The following SOD2 variants were observed in gnomAD, a reference collection of about 807,000 sequenced individuals.
SOD2 encodes the protein superoxide dismutase 2.
A neutral mutation model predicts 27.0 loss-of-function variants in SOD2; 11 were observed. That is an observed-to-expected ratio of 0.41 (90% CI 0.26 to 0.67). The LOEUF is 0.67. Ranked by LOEUF, SOD2 falls within the 30% of genes least tolerant of loss-of-function variation. The pLI is 0.34. For synonymous variants in SOD2, 105 were observed against 103.0 expected (o/e 1.02, Z -0.12); for missense variants, 250 against 274.5 (o/e 0.91, Z 0.63).
In SOD2 at chr6:159,757,058, G is replaced by A. The variant is rs534162168; in HGVS notation, c.-336+3979C>T. Among the ~76,000 whole-genome samples the A allele has an allele frequency of 5.3e-5, 8 of 152,276 alleles. No homozygotes were observed. In the South Asian group the frequency reaches 1.7e-3, roughly 32 times the overall value. On this transcript the variant is annotated intron_variant, in intron 1 of 7. Coordinates refer to the SOD2 transcript ENST00000546087. Reference sequence around the variant, plus strand: ...TGGTAATATTATATGAGTAAGGGGTGTTAGAATGTAGGTAGGAGAAAATGT... The same window carrying A: ...TGGTAATATTATATGAGTAAGGGGTATTAGAATGTAGGTAGGAGAAAATGT...
At chr6:159,692,579 G>A (rs553156344) in intron 2 of SOD2, 82 bp downstream of exon 2, 20 of 1,582,256 alleles carry the variant, frequency 1.3e-5, no homozygotes, top group Non-Finnish European at 1.7e-5. Context: ...CTCCTCCACG[G>A]AGAGGCCCGT....
intron 1 of SOD2, among the ~76,000 whole-genome samples, chr6:159,736,899 T>C (rs566366883): frequency 1.4e-4 from 22 of 152,328 alleles, no homozygotes; most frequent in Non-Finnish European, 2.5e-4. Flanking sequence ...TGTGATTCAA[T>C]TGGGAAAGCT....
At position 159,692,851 on chromosome 6, in the gene SOD2, C is replaced by A; in HGVS notation, c.36G>T (p.Gln12His). 1 of 1,608,722 alleles carries A rather than the reference C, an allele frequency of 6.2e-7. No individual in the cohort carries two copies. Among genetic ancestry groups the A allele is most frequent in the Non-Finnish European group, 8.5e-7 (1 of 1,178,126 alleles). The stretch of plus-strand genomic sequence containing the variant: ...CCAGATACCCCAAAACCGGAGCCAG[C>A]TGCCTGCTGGTGCTGAAGACGAGAA... ...LSRAVCGTSR[Q>H]LAPVLGYLGS... Residue 12 changes from glutamine to histidine, a missense_variant, in exon 2 of 5, where the codon CAG (glutamine) becomes CAT (histidine). Physicochemically the swap from Gln to His is conservative, Grantham distance 24. Coordinates refer to ENST00000538183, the MANE Select transcript of SOD2 (RefSeq NM_000636.4).
At chr6:159,698,608 C>A (rs1398026293) in intron 1 of SOD2, among the ~76,000 whole-genome samples, 25 of 118,418 alleles carry the variant, frequency 2.1e-4, no homozygotes, top group South Asian at 1.1e-3. Flanking sequence ...TCCAATAAAA[C>A]ATTTAGAAAA....
chr6:159,752,659 TAAA>T lies in SOD2; in HGVS notation c.-335-3986_-335-3984del, dbSNP rs111964741. 2.9e-3 allele frequency among the ~76,000 whole-genome samples: 430 copies of T among 149,462 alleles called. 2 individuals are homozygous for T. The highest frequency in any genetic ancestry group is 0.01 in the African/African-American group (410 of 40,884). On this transcript the variant is annotated intron_variant, in intron 1 of 7. Transcript: ENST00000546087. ...CTTTTCCAATAAAGTCTTAAGTCTT[TAAA>T]AAAAAAACCTTAACTGCTGAATGTG...
At position 159,684,978 on chromosome 6, in the gene SOD2, C is replaced by G. The variant is rs372173830; in HGVS notation, c.399G>C (p.Glu133Asp). The change falls in exon 4 of 5, where the codon GAG becomes GAC. Residue 133 changes from glutamate (E) to aspartate (D), a missense_variant. Coordinates refer to ENST00000538183, the MANE Select transcript of SOD2 (RefSeq NM_000636.4). Reference protein sequence around the residue: ...RDFGSFDKFKEKLTAASVGVQ... With the variant: ...RDFGSFDKFKDKLTAASVGVQ... The stretch of plus-strand genomic sequence containing the variant: ...CACCAACAGATGCAGCCGTCAGCTT[C>G]TCCTTAAACTTGTCAAAGGAACCAA... 33 of 1,613,160 alleles carry G rather than the reference C, an allele frequency of 2.0e-5. No individual in the cohort carries two copies. Among genetic ancestry groups the G allele is most frequent in the African/African-American group, 1.9e-4 (14 of 75,000 alleles).
intron 1 of SOD2, among the ~76,000 whole-genome samples, chr6:159,708,903 G>A (rs969577056): frequency 1.3e-5 from 2 of 152,102 alleles, no homozygotes; most frequent in African/African-American, 2.4e-5. Flanking sequence ...GCATAGTACT[G>A]GTACCAAAAC....
Position 159,678,850 on chromosome 6 carries a change from G to A in SOD2, c.*3643C>T, listed in dbSNP as rs1176783094. On this transcript the variant is annotated 3_prime_UTR_variant, in exon 5 of 5. Transcript: ENST00000538183. ...TTGAATTATAGGACATCCAGCTGGT[G>A]TCCACTGGACAACCTGGTGTAAAAG... 1.3e-5 allele frequency: 2 copies of A among 152,320 alleles called. No homozygotes were observed. Among genetic ancestry groups the A allele is most frequent in the African/African-American group, 4.8e-5 (2 of 41,574 alleles). 9.4% of individuals were successfully genotyped at this position (152,320 alleles called of 1,614,324 possible).
rs531384013 is a variant in SOD2, at chr6:159,744,366, C to A, written c.-116+764G>T. ...TGTAATTATACAAAATAATTAGAGG[C>A]AGCTGTATCCTTGTTTCTGATTTTA... On this transcript the variant is annotated intron_variant, in intron 1 of 3. Coordinates refer to the SOD2 transcript ENST00000537657. Among the ~76,000 whole-genome samples the A allele has an allele frequency of 5.9e-5, 9 of 152,268 alleles. No homozygotes were observed. The East Asian group carries it at 1.7e-3, about 29-fold the overall frequency.
intron 1 of SOD2, among the ~76,000 whole-genome samples, chr6:159,737,133 C>T (rs528840949): frequency 3.3e-5 from 5 of 151,862 alleles, no homozygotes; most frequent in Non-Finnish European, 5.9e-5. Flanking sequence ...CTGCAGTCTC[C>T]GCCTCCTGGG....
chr6:159,711,901 C>T (rs554779192), intron 1 of SOD2, among the ~76,000 whole-genome samples: 8 of 125,466 alleles, frequency 6.4e-5, no homozygotes, highest in Admixed American at 6.2e-4. Context: ...CCACCACTCA[C>T]ATTGCTCTGA....
At chr6:159,702,903 C>T (rs1293376736) in intron 1 of SOD2, among the ~76,000 whole-genome samples, 2 of 148,420 alleles carry the variant, frequency 1.3e-5, no homozygotes, top group East Asian at 2.0e-4. Flanking sequence ...TGCCTATAGT[C>T]CCAGCTACTC....
At chr6:159,710,934 TC>T (rs374675203) in intron 1 of SOD2, among the ~76,000 whole-genome samples, 30 of 114,398 alleles carry the variant, frequency 2.6e-4, no homozygotes, top group East Asian at 1.7e-3. Flanking sequence ...CATAACCACC[TC>T]CATAACCACC....
intron 1 of SOD2, among the ~76,000 whole-genome samples, chr6:159,705,929 C>T (rs1014389440): frequency 5.9e-5 from 9 of 152,200 alleles, no homozygotes; most frequent in African/African-American, 1.9e-4. Context: ...TCAGCAGAAA[C>T]TCTACAAGCC....
At chr6:159,734,939 G>C (rs1562454026) in intron 1 of SOD2, among the ~76,000 whole-genome samples, 1 of 151,880 alleles carries the variant, frequency 6.6e-6, no homozygotes, top group Non-Finnish European at 1.5e-5. Flanking sequence ...GTAGTTTAAT[G>C]AATAATACCT....
chr6:159,685,184 A>G (rs1780127485), intron 3 of SOD2, 151 bp from the exon 4 acceptor site: 1 of 355,168 alleles, frequency 2.8e-6, no homozygotes. Context: ...AAGTTTCACA[A>G]TTTTAATTCA....
rs551173943 is a variant in SOD2 at position 159,760,760 on chromosome 6, A to G, written c.-336+277T>C. 4.6e-5 allele frequency: 7 copies of G among 152,422 alleles called. No homozygotes were observed. In the South Asian group the frequency reaches 1.2e-3, roughly 27 times the overall value. 9.4% of individuals were successfully genotyped at this position (152,422 alleles called of 1,614,324 possible). The stretch of plus-strand genomic sequence containing the variant: ...TAAGGGGATGTGAGAGTAAGCCCAC[A>G]AAGACTCAGAAGTGGCCAGGGAGTA... On this transcript the variant is annotated intron_variant, in intron 1 of 7. Coordinates refer to the SOD2 transcript ENST00000546087.
At chr6:159,741,926 TG>T in intron 1 of SOD2, 1 of 547,856 alleles carries the variant, frequency 1.8e-6, no homozygotes, top group South Asian at 2.1e-5. Flanking sequence ...CACTCCAGCC[TG>T]GGGGACAGAG....
At position 159,672,916 on chromosome 6, in the gene SOD2, C is replaced by T. The variant is rs559796747; in HGVS notation, c.*9577G>A. 79 of 150,760 alleles carry T rather than the reference C, an allele frequency of 5.2e-4. No individual in the cohort carries two copies. Among genetic ancestry groups the T allele is most frequent in the African/African-American group, 1.8e-3 (73 of 41,068 alleles). 9.3% of individuals were successfully genotyped at this position (150,760 alleles called of 1,614,324 possible). ...GATGGAGGAAGATCTACCAAGCAAA[C>T]GGAAAACAAAAAAAAAGGCCGGGGT... On this transcript the variant is annotated 3_prime_UTR_variant, in exon 5 of 5. Transcript: ENST00000538183.
Sources: allele counts gnomAD v4.1 joint callset (sites outside exome capture counted in the v4.1 genomes callset), GRCh38; gene constraint gnomAD v4.1.1; transcripts MANE v1.5; gene names NCBI Gene and HGNC (gene_info 2026-07-23, HGNC 2026-07-21).